NLRP14: variants seen among roughly 807,000 people sequenced by gnomAD.
The protein encoded by NLRP14 is NLR family pyrin domain containing 14, also known as NACHT, LRR and PYD domains-containing protein 14.
NLRP14 carries 105 observed loss-of-function variants against 94.7 expected under a neutral mutation model. The ratio of observed to expected loss-of-function variants is 1.11; its 90% CI spans 0.95 to 1.30. NLRP14 has a LOEUF of 1.30. Among genes scored for constraint, NLRP14 ranks in the 50% most tolerant of loss-of-function variants. The probability of loss-of-function intolerance (pLI) is 0.00; values close to 1 mark genes in which losing one functional copy is unlikely to be tolerated. For missense variants in NLRP14, 1,362 were observed against 1,254.1 expected (o/e 1.09, Z -1.30); for synonymous variants, 508 against 459.9 (o/e 1.10, Z -1.34).
At chr11:7,078,462 A>AAAAAAAAAAAAAAAAAAAAAAAAAAG in the NLRP14 span, among the ~76,000 whole-genome samples, 3 of 88,486 alleles carry the variant, frequency 3.4e-5, no homozygotes, top group Admixed American at 1.9e-4. Flanking sequence ...AAAAAAAAAA[A>AAAAAAAAAAAAAAAAAAAAAAAAAAG]CAAAAAAATT....
chr11:7,062,298 G>A (rs369649411), intron 9 of NLRP14, 35 bp from the exon 10 acceptor site: 74 of 1,572,546 alleles, frequency 4.7e-5, no homozygotes, highest in African/African-American at 3.6e-4. Flanking sequence ...ACCTCACAAT[G>A]GAAGGATTCA....
rs762558902 is a variant in NLRP14, at chr11:7,062,726, G to A, written c.2975+223G>A. On this transcript the variant is annotated intron_variant, in intron 10 of 11. Transcript: ENST00000299481. ...TCTTTGTGTCCCCTTTAGTACCTTG[G>A]ACAGATACTTAGTACGCAAATGGTA... Among the ~76,000 whole-genome samples the A allele has an allele frequency of 1.7e-3, 255 of 151,998 alleles. 3 individuals are homozygous for A. Among genetic ancestry groups the A allele is most frequent in the Non-Finnish European group, 3.5e-4 (24 of 67,964 alleles).
chr11:7,051,907 C>T (rs925950735), intron 6 of NLRP14, among the ~76,000 whole-genome samples: 2 of 152,216 alleles, frequency 1.3e-5, no homozygotes, highest in African/African-American at 2.4e-5. Context: ...AGGCATGAGC[C>T]ATCGCACCTG....
chr11:7,043,174 T>C lies in NLRP14; in HGVS notation c.1148T>C (p.Met383Thr). 2 of 1,614,126 alleles carry C rather than the reference T, an allele frequency of 1.2e-6. No individual in the cohort carries two copies. The highest frequency in any genetic ancestry group is 1.7e-6 in the Non-Finnish European group (2 of 1,180,010). ...GCTTGTACTTGTCTGAAGCAGCAAATGGAGAAGGGTGGTGATGTCACATTG... is the reference window on the plus strand; with the variant it reads ...GCTTGTACTTGTCTGAAGCAGCAAACGGAGAAGGGTGGTGATGTCACATTG... Reference protein sequence around the residue: ...WAACTCLKQQMEKGGDVTLTC... With the variant: ...WAACTCLKQQTEKGGDVTLTC... Residue 383 changes from methionine to threonine, a missense_variant, in exon 4 of 12, where the codon ATG (methionine) becomes ACG (threonine). Met to Thr is a moderately conservative substitution (Grantham distance 81). Transcript: ENST00000299481.
intron 1 of NLRP14, among the ~76,000 whole-genome samples, chr11:7,031,410 G>A (rs569350420): frequency 9.9e-5 from 15 of 152,246 alleles, no homozygotes; most frequent in South Asian, 2.1e-4. Context: ...GCATGGCGCC[G>A]GCCATGACCA....
intron 10 of NLRP14, among the ~76,000 whole-genome samples, chr11:7,067,017 T>G (rs182334177): frequency 9.9e-5 from 15 of 152,266 alleles, no homozygotes; most frequent in Non-Finnish European, 1.9e-4. Context: ...GTTGTAGGTG[T>G]GTGGTGATAT....
At chr11:7,060,508 T>C (rs952925001) in intron 9 of NLRP14, among the ~76,000 whole-genome samples, 1 of 152,012 alleles carries the variant, frequency 6.6e-6, no homozygotes, top group African/African-American at 2.4e-5. Context: ...ACAGTAGCCA[T>C]TTTATTCTTT....
chr11:7,040,085 G>A (rs1852224923), intron 3 of NLRP14, among the ~76,000 whole-genome samples: 1 of 152,176 alleles, frequency 6.6e-6, no homozygotes, highest in Admixed American at 6.5e-5. Context: ...GAATTGGGAG[G>A]AAACTTTCAG....
chr11:7,090,263 C>T, the NLRP14 span: 3 of 1,607,212 alleles, frequency 1.9e-6, no homozygotes, highest in African/African-American at 1.3e-5. Context: ...GTCTAGGAGG[C>T]CGCTTGGAGA....
chr11:7,040,035 AG>A (rs1852224422), intron 3 of NLRP14, among the ~76,000 whole-genome samples: 2 of 152,214 alleles, frequency 1.3e-5, no homozygotes, highest in Non-Finnish European at 2.9e-5. Flanking sequence ...TGACGCACAA[AG>A]GTATATTAAT....
chr11:7,057,983 A>C, intron 7 of NLRP14, 136 bp downstream of exon 7: 1 of 766,940 alleles, frequency 1.3e-6, no homozygotes, highest in Non-Finnish European at 2.3e-6. Flanking sequence ...CTCTACATGC[A>C]TCCCCCTTCT....
the NLRP14 span, among the ~76,000 whole-genome samples, chr11:7,088,425 A>T: frequency 1.3e-5 from 2 of 152,208 alleles, no homozygotes; most frequent in South Asian, 4.1e-4. Context: ...TTAACCTTAA[A>T]TATAACAATT....
the NLRP14 span, chr11:7,090,085 G>A: frequency 1.9e-6 from 3 of 1,611,568 alleles, no homozygotes; most frequent in Admixed American, 5.0e-5. Context: ...TACAGCGGCG[G>A]CCGCGACAGT....
intron 1 of NLRP14, among the ~76,000 whole-genome samples, chr11:7,023,389 GA>G (rs1379119353): frequency 2.1e-5 from 3 of 144,266 alleles, no homozygotes; most frequent in Non-Finnish European, 4.6e-5. Flanking sequence ...GTTTAGCTTG[GA>G]AATTTTTTAT....
intron 1 of NLRP14, among the ~76,000 whole-genome samples, chr11:7,027,075 A>T (rs1253205519): frequency 6.6e-6 from 1 of 152,002 alleles, no homozygotes; most frequent in African/African-American, 2.4e-5. Flanking sequence ...AAGCCTGTTC[A>T]TGTAGTCACT....
the NLRP14 span, among the ~76,000 whole-genome samples, chr11:7,078,437 C>G: frequency 1.3e-4 from 2 of 15,360 alleles, no homozygotes; most frequent in African/African-American, 3.4e-4. Flanking sequence ...GACTCTGTCT[C>G]AAAAAAAAAA....
At chr11:7,034,991 G>T (rs1272257138) in intron 1 of NLRP14, among the ~76,000 whole-genome samples, 1 of 152,054 alleles carries the variant, frequency 6.6e-6, no homozygotes, top group Non-Finnish European at 1.5e-5. Flanking sequence ...CATGACAGAA[G>T]TTGTACATTT....
chr11:7,023,579 C>T (rs1465515696), intron 1 of NLRP14, among the ~76,000 whole-genome samples: 1 of 147,396 alleles, frequency 6.8e-6, no homozygotes, highest in Non-Finnish European at 1.5e-5. Context: ...TAAAAATCTC[C>T]AAGCTAAAGT....
chr11:7,086,845 G>C, the NLRP14 span, among the ~76,000 whole-genome samples: 1 of 152,126 alleles, frequency 6.6e-6, no homozygotes, highest in African/African-American at 2.4e-5. Context: ...AACTTCATCA[G>C]ATTCCTTAAA....
Sources: allele counts gnomAD v4.1 joint callset (sites outside exome capture counted in the v4.1 genomes callset), GRCh38; gene constraint gnomAD v4.1.1; transcripts MANE v1.5; gene names NCBI Gene and HGNC (gene_info 2026-07-23, HGNC 2026-07-21).